UNC5C: variants seen among roughly 807,000 people sequenced by gnomAD.
The protein encoded by UNC5C is unc-5 netrin receptor C.
A neutral mutation model predicts 99.8 loss-of-function variants in UNC5C; 47 were observed. The ratio of observed to expected loss-of-function variants is 0.47; its 90% CI spans 0.37 to 0.60. UNC5C has a LOEUF of 0.60. UNC5C is among the 20% of genes least tolerant of loss of function. UNC5C has a pLI of 0.00. For synonymous variants in UNC5C, 487 were observed against 452.2 expected (o/e 1.08, Z -0.98); for missense variants, 1,062 against 1,165.9 (o/e 0.91, Z 1.30).
rs1742374145 is a variant in UNC5C, at chr4:95,313,958, GA to G, written c.347-12210del. On this transcript the variant is annotated intron_variant, in intron 2 of 15. Transcript: ENST00000453304. ...CTTGGTCTCCCATCTTGTGAAATAA[GA>G]CTAAAAATGTGTTTGTCTTGCTGCA... Among the ~76,000 whole-genome samples, 14 of 152,242 alleles carry G rather than the reference GA, an allele frequency of 9.2e-5. No individual in the cohort carries two copies. In the South Asian group the frequency reaches 2.9e-3, roughly 32 times the overall value.
chr4:95,454,527 T>C (rs1747376412), intron 1 of UNC5C, among the ~76,000 whole-genome samples: 1 of 152,118 alleles, frequency 6.6e-6, no homozygotes, highest in Non-Finnish European at 1.5e-5. Context: ...TTTTTAATGA[T>C]GCAAGCAATT....
At chr4:95,272,660 T>A (rs1422348607) in intron 4 of UNC5C, among the ~76,000 whole-genome samples, 2 of 152,180 alleles carry the variant, frequency 1.3e-5, no homozygotes, top group Non-Finnish European at 2.9e-5. Context: ...ACCTAATACT[T>A]TTGAAAACCC....
At chr4:95,518,184 T>G (rs1209189867) in intron 1 of UNC5C, among the ~76,000 whole-genome samples, 2 of 152,128 alleles carry the variant, frequency 1.3e-5, no homozygotes, top group Non-Finnish European at 2.9e-5. Flanking sequence ...GCAATCTCCT[T>G]TATGTTTGGC....
chr4:95,498,920 G>A (rs1003929456), intron 1 of UNC5C, among the ~76,000 whole-genome samples: 1 of 151,952 alleles, frequency 6.6e-6, no homozygotes, highest in African/African-American at 2.4e-5. Context: ...AAATAAAAAT[G>A]TACTTCTCCA....
Position 95,168,964 on chromosome 4 carries a change from A to G in UNC5C, c.*270T>C, listed in dbSNP as rs996101731. On this transcript the variant is annotated 3_prime_UTR_variant, in exon 16 of 16. Coordinates refer to ENST00000453304, the MANE Select transcript of UNC5C (RefSeq NM_003728.4). ...AGGAAACTGTAAGATCCTGTACCAC[A>G]CAGCATACAGCCCAACTAAGAGGAA... The G allele has an allele frequency of 2.6e-5, 11 of 427,444 alleles. No homozygotes were observed. The highest frequency in any genetic ancestry group is 2.2e-4 in the African/African-American group (11 of 51,020). 26.5% of individuals were successfully genotyped at this position (427,444 alleles called of 1,614,324 possible).
chr4:95,454,216 G>A (rs1703654026), intron 1 of UNC5C, among the ~76,000 whole-genome samples: 1 of 152,074 alleles, frequency 6.6e-6, no homozygotes. Flanking sequence ...CTTTGTGGCA[G>A]TTTGAAATAG....
chr4:95,383,602 A>G (rs1487763944), intron 1 of UNC5C, among the ~76,000 whole-genome samples: 6 of 152,190 alleles, frequency 3.9e-5, no homozygotes, highest in Admixed American at 3.9e-4. Flanking sequence ...GTATGTATAA[A>G]TACCCAACAA....
intron 1 of UNC5C, among the ~76,000 whole-genome samples, chr4:95,426,797 C>A (rs960318682): frequency 4.6e-5 from 7 of 152,170 alleles, no homozygotes; most frequent in African/African-American, 1.7e-4. Context: ...GCTGAGAGAA[C>A]TGAGGAAGCT....
In UNC5C at chr4:95,167,143, A is replaced by G. The variant is rs1347294085; in HGVS notation, c.*2091T>C. 1.3e-5 allele frequency: 2 copies of G among 152,240 alleles called. No homozygotes were observed. The highest frequency in any genetic ancestry group is 4.8e-5 in the African/African-American group (2 of 41,460). The allele number at this position is 152,240 out of a possible 1,614,324, so 9.4% of individuals were successfully genotyped here. A position where few individuals can be genotyped will look rare whatever the true frequency, so the allele number is the denominator to read the frequency against. ...CCAAAATAGGAGCGGAAACATGGAA[A>G]GATGGAAGCACATGTATAATTCAAG... On this transcript the variant is annotated 3_prime_UTR_variant, in exon 16 of 16. Transcript: ENST00000453304.
chr4:95,184,758 T>G (rs1227984045), intron 13 of UNC5C, among the ~76,000 whole-genome samples: 1 of 152,184 alleles, frequency 6.6e-6, no homozygotes, highest in Admixed American at 6.5e-5. Flanking sequence ...TTTTACCCAT[T>G]GATGTGAACA....
chr4:95,508,184 C>T lies in UNC5C; in HGVS notation c.124+40550G>A, dbSNP rs145400589. Among the ~76,000 whole-genome samples the T allele has an allele frequency of 1.9e-4, 28 of 150,936 alleles. 1 individual carries two copies. The East Asian group carries it at 5.1e-3, about 28-fold the overall frequency. On this transcript the variant is annotated intron_variant, in intron 1 of 15. Transcript: ENST00000453304. Reference sequence around the variant, plus strand: ...AGGCAACAATTCTGGAATTACACTGCTTAGGGATCTACACATGCCAGCTCC... The same window carrying T: ...AGGCAACAATTCTGGAATTACACTGTTTAGGGATCTACACATGCCAGCTCC...
At chr4:95,370,161 A>G (rs1167597155) in intron 1 of UNC5C, among the ~76,000 whole-genome samples, 1 of 152,190 alleles carries the variant, frequency 6.6e-6, no homozygotes, top group Non-Finnish European at 1.5e-5. Context: ...CTTAAATGTA[A>G]ATATGATTAA....
intron 12 of UNC5C, among the ~76,000 whole-genome samples, chr4:95,200,518 A>ATGAT (rs1466907957): frequency 6.6e-6 from 1 of 152,236 alleles, no homozygotes; most frequent in Non-Finnish European, 1.5e-5. Context: ...TGTGCCTTGG[A>ATGAT]TGATACATCT....
intron 14 of UNC5C, 62 bp downstream of exon 14, chr4:95,182,835 C>G: frequency 1.4e-5 from 21 of 1,541,058 alleles, no homozygotes; most frequent in Non-Finnish European, 1.9e-5. Context: ...TTTTAGCCCA[C>G]ACACTCTGTC....
chr4:95,256,178 A>G lies in UNC5C; in HGVS notation c.595-5511T>C, dbSNP rs370332107. Among the ~76,000 whole-genome samples the G allele has an allele frequency of 2.0e-5, 3 of 151,906 alleles. No individual in the cohort carries two copies. In the South Asian group the frequency reaches 6.2e-4, roughly 32 times the overall value. On this transcript the variant is annotated intron_variant, in intron 4 of 15. Coordinates refer to ENST00000453304, the MANE Select transcript of UNC5C (RefSeq NM_003728.4). The stretch of plus-strand genomic sequence containing the variant: ...TTCTGCTGCTTTCTATTTTCTATCC[A>G]TATTCACTTCCTTGGTGAGCTCATC...
chr4:95,202,896 G>T lies in UNC5C; in HGVS notation c.1971C>A (p.Cys657Ter). The change falls in exon 12 of 16, where the codon TGC becomes TGA. Residue 657 changes from cysteine to a stop codon, truncating the protein, a stop_gained. Coordinates refer to ENST00000453304, the MANE Select transcript of UNC5C (RefSeq NM_003728.4). LOFTEE classifies it high-confidence loss of function. ...PCYIQLDAEA[C>*]HILTENLSTY... The stretch of plus-strand genomic sequence containing the variant: ...TGCTGAGGTTCTCTGTGAGGATGTG[G>T]CAGGCCTCTGCATCCAGCTGAATGT... 1 of 1,614,208 alleles carries T rather than the reference G, an allele frequency of 6.2e-7. No individual in the cohort carries two copies. Among genetic ancestry groups the T allele is most frequent in the Non-Finnish European group, 8.5e-7 (1 of 1,180,038 alleles).
At chr4:95,538,497 C>T (rs146047602) in intron 1 of UNC5C, among the ~76,000 whole-genome samples, 230 of 152,262 alleles carry the variant, frequency 1.5e-3, no homozygotes, top group African/African-American at 5.3e-3. Context: ...AACAGGCAAC[C>T]TCCCTCATTA....
chr4:95,472,971 A>G (rs2149475016), intron 1 of UNC5C, among the ~76,000 whole-genome samples: 1 of 152,190 alleles, frequency 6.6e-6, no homozygotes, highest in African/African-American at 2.4e-5. Flanking sequence ...TTTTTATCAT[A>G]TCCCTTATGC....
intron 1 of UNC5C, among the ~76,000 whole-genome samples, chr4:95,547,477 G>A (rs551855394): frequency 4.7e-4 from 71 of 152,184 alleles, no homozygotes; most frequent in Middle Eastern, 3.4e-3. Context: ...GGGGAGTTGG[G>A]GCTATCGTAA....
Sources: gnomAD v4.1 joint callset for allele counts (sites outside exome capture counted in the v4.1 genomes callset) on GRCh38, gnomAD v4.1.1 for gene constraint, MANE v1.5 for transcripts, NCBI Gene and HGNC (gene_info 2026-07-23, HGNC 2026-07-21) for gene names.